RIN2: variants seen among roughly 807,000 people sequenced by gnomAD.
RIN2 encodes the protein Ras and Rab interactor 2.
In RIN2, 36 loss-of-function variants were observed where a neutral mutation model predicts 78.0. The ratio of observed to expected loss-of-function variants is 0.46; its 90% CI spans 0.35 to 0.61. RIN2 has a LOEUF of 0.61. Among genes scored for constraint, RIN2 ranks in the 20% least tolerant of loss-of-function variants. The pLI is 0.00. For missense variants in RIN2, 1,087 were observed against 1,159.7 expected (o/e 0.94, Z 0.91); for synonymous variants, 466 against 466.8 (o/e 1.00, Z 0.02).
intron 2 of RIN2, among the ~76,000 whole-genome samples, chr20:19,879,336 T>A (rs1174665046): frequency 6.6e-6 from 1 of 152,200 alleles, no homozygotes; most frequent in African/African-American, 2.4e-5. Context: ...ACTTTCTTTA[T>A]GCTTTTCCCT....
intron 4 of RIN2, among the ~76,000 whole-genome samples, chr20:19,943,410 A>G (rs2040959265): frequency 6.6e-6 from 1 of 152,088 alleles, no homozygotes; most frequent in African/African-American, 2.4e-5. Context: ...AAAAATTACC[A>G]AAGGCCCTAA....
intron 2 of RIN2, among the ~76,000 whole-genome samples, chr20:19,885,593 G>C (rs1250989906): frequency 6.6e-6 from 1 of 152,020 alleles, no homozygotes; most frequent in African/African-American, 2.4e-5. Context: ...TTGAACCCTG[G>C]AGGCGGAAGC....
At chr20:19,903,380 C>A (rs974710628) in intron 3 of RIN2, among the ~76,000 whole-genome samples, 1 of 152,108 alleles carries the variant, frequency 6.6e-6, no homozygotes, top group African/African-American at 2.4e-5. Context: ...GACCTGTTCC[C>A]TAGTGGCCTT....
At chr20:19,805,119 T>G (rs1353508318) in intron 2 of RIN2, among the ~76,000 whole-genome samples, 1 of 152,152 alleles carries the variant, frequency 6.6e-6, no homozygotes, top group Non-Finnish European at 1.5e-5. Flanking sequence ...CACATTCAAG[T>G]GTTCAGTGAG....
Position 19,829,933 on chromosome 20 carries a change from G to A in RIN2, c.-37+30186G>A, listed in dbSNP as rs149037867. Among the ~76,000 whole-genome samples, 249 of 152,336 alleles carry A rather than the reference G, an allele frequency of 1.6e-3. 4 individuals carry two copies. The highest frequency in any genetic ancestry group is 3.9e-3 in the East Asian group (20 of 5,188). ...CAAAGCCTTGTGGGAGCCCATCTGC[G>A]TGGTAGAATCTAAATCACGTAGCCA... is the stretch of plus-strand genomic sequence containing the variant. On this transcript the variant is annotated intron_variant, in intron 2 of 12. Transcript: ENST00000255006.
At chr20:19,879,209 T>C (rs1341432316) in intron 2 of RIN2, among the ~76,000 whole-genome samples, 1 of 152,246 alleles carries the variant, frequency 6.6e-6, no homozygotes, top group African/African-American at 2.4e-5. Flanking sequence ...GAGGCACAAT[T>C]GCTGCCACCA....
intron 2 of RIN2, among the ~76,000 whole-genome samples, chr20:19,864,951 A>G (rs1394169289): frequency 1.3e-5 from 2 of 152,212 alleles, no homozygotes; most frequent in African/African-American, 4.8e-5. Flanking sequence ...TAGGATATGA[A>G]ATCTTAACAA....
intron 8 of RIN2, among the ~76,000 whole-genome samples, chr20:19,971,959 C>T (rs2146305924): frequency 6.6e-6 from 1 of 152,220 alleles, no homozygotes; most frequent in South Asian, 2.1e-4. Context: ...CCAAGCTGGT[C>T]TCGAAATCCT....
intron 2 of RIN2, among the ~76,000 whole-genome samples, chr20:19,869,408 ACG>A (rs1487002392): frequency 2.6e-5 from 4 of 152,170 alleles, no homozygotes; most frequent in African/African-American, 9.7e-5. Context: ...AGACGAAGCC[ACG>A]TCATCACTGG....
intron 2 of RIN2, among the ~76,000 whole-genome samples, chr20:19,879,100 A>G (rs149410876): frequency 2.0e-5 from 3 of 152,362 alleles, no homozygotes; most frequent in Non-Finnish European, 2.9e-5. Flanking sequence ...ATAATAGGAA[A>G]CTGGATTTGT....
chr20:19,956,375 A>C (rs760625579), intron 4 of RIN2, among the ~76,000 whole-genome samples: 1 of 152,160 alleles, frequency 6.6e-6, no homozygotes, highest in Non-Finnish European at 1.5e-5. Flanking sequence ...GGGGTTAGGA[A>C]TAGAAGGTCA....
At chr20:19,793,189 T>C (rs576487165) in intron 1 of RIN2, among the ~76,000 whole-genome samples, 2 of 152,344 alleles carry the variant, frequency 1.3e-5, no homozygotes, top group South Asian at 4.1e-4. Context: ...AAATTAATTT[T>C]AATAAGATAT....
In RIN2 at chr20:19,772,934, A is replaced by G. The variant is rs115499647; in HGVS notation, c.-163+14607A>G. ...TAACCTCAGGGTGTCCCTGTGTAGA[A>G]ATACAGGCATGCATTAATTTTCTAG... On this transcript the variant is annotated intron_variant, in intron 1 of 12. Transcript: ENST00000255006. Among the ~76,000 whole-genome samples, 260 of 152,292 alleles carry G rather than the reference A, an allele frequency of 1.7e-3. 1 individual carries two copies. Among genetic ancestry groups the G allele is most frequent in the African/African-American group, 6.0e-3 (248 of 41,564 alleles).
At chr20:19,800,488 T>C (rs1600485498) in intron 2 of RIN2, among the ~76,000 whole-genome samples, 1 of 152,334 alleles carries the variant, frequency 6.6e-6, no homozygotes, top group East Asian at 1.9e-4. Flanking sequence ...AAGTCTTGAT[T>C]AGCAAAGGTG....
intron 2 of RIN2, among the ~76,000 whole-genome samples, chr20:19,888,858 A>T (rs1016867983): frequency 3.9e-5 from 6 of 152,234 alleles, no homozygotes; most frequent in Admixed American, 3.3e-4. Flanking sequence ...TTGGGATCTG[A>T]TGCCCTAGCA....
chr20:19,885,509 A>C (rs1686851695), intron 2 of RIN2, among the ~76,000 whole-genome samples: 1 of 151,826 alleles, frequency 6.6e-6, no homozygotes, highest in Non-Finnish European at 1.5e-5. Context: ...CTACCAAAAA[A>C]TACAAAAATT....
intron 3 of RIN2, among the ~76,000 whole-genome samples, chr20:19,903,588 C>T (rs2123659232): frequency 6.6e-6 from 1 of 152,194 alleles, no homozygotes; most frequent in East Asian, 1.9e-4. Context: ...TTTTGGTTGC[C>T]ACCACTGGGA....
intron 7 of RIN2, among the ~76,000 whole-genome samples, chr20:19,968,227 CT>C (rs763756396): frequency 1.4e-4 from 22 of 152,328 alleles, no homozygotes; most frequent in Admixed American, 7.2e-4. Context: ...GTTACGGTGC[CT>C]GCTGTAATTT....
intron 9 of RIN2, among the ~76,000 whole-genome samples, chr20:19,988,886 CTTCT>C (rs758520637): frequency 1.3e-5 from 2 of 151,530 alleles, no homozygotes; most frequent in South Asian, 2.1e-4. Flanking sequence ...CTGCCTCATT[CTTCT>C]TTCTCTCTCT....
Sources: allele counts gnomAD v4.1 joint callset (sites outside exome capture counted in the v4.1 genomes callset), GRCh38; gene constraint gnomAD v4.1.1; transcripts MANE v1.5; gene names NCBI Gene and HGNC (gene_info 2026-07-23, HGNC 2026-07-21).